Variants in GBF1 observed in about 807,000 individuals in gnomAD.
The protein encoded by GBF1 is Golgi-specific brefeldin A-resistance guanine nucleotide exchange factor 1.
A neutral mutation model predicts 210.5 loss-of-function variants in GBF1; 114 were observed. The observed-to-expected ratio is 0.54, with a 90% CI of 0.47 to 0.63. GBF1 has a LOEUF of 0.63. Ranked by LOEUF, GBF1 falls within the 30% of genes least tolerant of loss-of-function variation. The pLI, the probability that GBF1 is intolerant of heterozygous loss-of-function variation, is 0.00. For synonymous variants in GBF1, 850 were observed against 889.2 expected, an observed-to-expected ratio of 0.96 and a Z score of 0.78; for missense variants, 1,851 against 2,357.7, an observed-to-expected ratio of 0.79 and a Z score of 4.45.
intron 17 of GBF1, among the ~76,000 whole-genome samples, chr10:102,364,866 A>AC (rs993530852): frequency 2.0e-4 from 30 of 152,058 alleles, no homozygotes; most frequent in African/African-American, 7.2e-4. Context: ...GAAAAAAAAA[A>AC]CCTAACCCTT....
intron 3 of GBF1, among the ~76,000 whole-genome samples, chr10:102,308,557 G>A (rs1054702669): frequency 2.0e-5 from 3 of 152,146 alleles, no homozygotes; most frequent in South Asian, 4.2e-4. Context: ...AAAAAATGAT[G>A]AGTTCATGTC....
intron 7 of GBF1, among the ~76,000 whole-genome samples, chr10:102,352,965 T>C (rs2059093637): frequency 6.6e-6 from 1 of 152,130 alleles, no homozygotes; most frequent in Non-Finnish European, 1.5e-5. Context: ...CAAACCAAGA[T>C]GGTTGGTTAC....
At position 102,363,160 on chromosome 10, in the gene GBF1, C is replaced by A; in HGVS notation, c.1877-96C>A. ...CAGGGCTGGCGCCCTGTGCAGGAACCATGCAGGTCTTCTGGGCTTGGGATT... is the reference window on the plus strand; with the variant it reads ...CAGGGCTGGCGCCCTGTGCAGGAACAATGCAGGTCTTCTGGGCTTGGGATT... On this transcript the variant is annotated intron_variant, in intron 15 of 39. Transcript: ENST00000369983. This position sits in a 1 kb window ranked among gnomAD's most constrained non-coding sequence, Gnocchi z 4.2. The A allele has an allele frequency of 8.5e-7, 1 of 1,170,150 alleles. No homozygotes were observed. Among genetic ancestry groups the A allele is most frequent in the Middle Eastern group, 2.1e-4 (1 of 4,868 alleles). 72.5% of individuals were successfully genotyped at this position (1,170,150 alleles called of 1,614,324 possible).
chr10:102,311,235 G>A (rs1414196504), intron 3 of GBF1, among the ~76,000 whole-genome samples: 1 of 152,242 alleles, frequency 6.6e-6, no homozygotes, highest in Non-Finnish European at 1.5e-5. Flanking sequence ...GTATACACAT[G>A]ATTTTAGCAT....
chr10:102,301,580 T>C (rs1488069815), intron 3 of GBF1, among the ~76,000 whole-genome samples: 2 of 150,116 alleles, frequency 1.3e-5, no homozygotes, highest in Non-Finnish European at 3.0e-5. Context: ...GGCTCCTCAC[T>C]TCTCAGACGG....
chr10:102,381,997 T>G (rs2135399887), intron 39 of GBF1, 59 bp from the exon 40 acceptor site: 1,442 of 1,386,432 alleles, frequency 1.0e-3, no homozygotes, highest in Non-Finnish European at 1.3e-3. Flanking sequence ...CTGGGCAATG[T>G]GAGAGTTGTC....
At chr10:102,295,685 A>G (rs894020243) in intron 3 of GBF1, among the ~76,000 whole-genome samples, 5 of 152,148 alleles carry the variant, frequency 3.3e-5, no homozygotes, top group African/African-American at 1.2e-4. Flanking sequence ...CATAATTTAC[A>G]TTTATATAAT....
intron 3 of GBF1, among the ~76,000 whole-genome samples, chr10:102,329,994 T>A (rs1209226471): frequency 6.6e-6 from 1 of 152,090 alleles, no homozygotes; most frequent in East Asian, 1.9e-4. Flanking sequence ...CCAGTAGTCT[T>A]AGCCACTCAG....
chr10:102,320,708 A>G (rs2056310548), intron 3 of GBF1, among the ~76,000 whole-genome samples: 2 of 152,120 alleles, frequency 1.3e-5, no homozygotes, highest in East Asian at 1.9e-4. Flanking sequence ...CTGAGAAGCA[A>G]TCTGTTAATG....
chr10:102,283,717 C>T (rs1168651466), intron 3 of GBF1, among the ~76,000 whole-genome samples: 1 of 152,166 alleles, frequency 6.6e-6, no homozygotes, highest in East Asian at 1.9e-4. Context: ...ACCAGTAAGT[C>T]TTGTCTGTTG....
chr10:102,360,911 G>T, intron 12 of GBF1, 111 bp from the exon 13 acceptor site: 1 of 686,368 alleles, frequency 1.5e-6, no homozygotes, highest in Non-Finnish European at 2.6e-6. Flanking sequence ...GGAGGCAGAG[G>T]TTGCAGTGAG....
intron 3 of GBF1, among the ~76,000 whole-genome samples, chr10:102,339,136 G>A (rs1403792543): frequency 2.0e-5 from 3 of 152,174 alleles, no homozygotes; most frequent in African/African-American, 7.2e-5. Context: ...GCCGAGACGG[G>A]TGGATCACCT....
At chr10:102,354,049 T>C (rs1253306715) in intron 8 of GBF1, among the ~76,000 whole-genome samples, 1 of 152,186 alleles carries the variant, frequency 6.6e-6, no homozygotes, top group Non-Finnish European at 1.5e-5. Context: ...TAGACTGGGC[T>C]CTTGCTTGTG....
At position 102,360,415 on chromosome 10, in the gene GBF1, G is replaced by A; in HGVS notation, c.1392+20G>A. 1 of 1,514,500 alleles carries A rather than the reference G, an allele frequency of 6.6e-7. No individual in the cohort carries two copies. Among genetic ancestry groups the A allele is most frequent in the Non-Finnish European group, 9.2e-7 (1 of 1,090,284 alleles). 93.8% of individuals were successfully genotyped at this position (1,514,500 alleles called of 1,614,324 possible). A position where few individuals can be genotyped will look rare whatever the true frequency, so the allele number is the denominator to read the frequency against. On this transcript the variant is annotated intron_variant, in intron 12 of 39. Transcript: ENST00000369983. ...TTCCAGGTAAGACAAGATTGCTAGA[G>A]GGTCTCAGAGCCTCTTTCAAGGGCC...
intron 4 of GBF1, among the ~76,000 whole-genome samples, chr10:102,344,702 G>A (rs1267563486): frequency 1.3e-5 from 2 of 151,904 alleles, no homozygotes; most frequent in African/African-American, 2.4e-5. Context: ...GGATGGTTTC[G>A]ATCTCCTGAC....
intron 3 of GBF1, among the ~76,000 whole-genome samples, chr10:102,266,961 A>G (rs189939233): frequency 2.0e-5 from 3 of 152,322 alleles, no homozygotes; most frequent in Admixed American, 2.0e-4. Flanking sequence ...AGTCTGAGCT[A>G]GGAGGTTTGA....
At chr10:102,368,919 T>C in intron 23 of GBF1, 87 bp downstream of exon 23, 1 of 937,628 alleles carries the variant, frequency 1.1e-6, no homozygotes, top group Non-Finnish European at 1.7e-6. Context: ...ACAGACCTGG[T>C]TGCCCTCAGC....
intron 3 of GBF1, among the ~76,000 whole-genome samples, chr10:102,314,764 C>T (rs1589604204): frequency 2.6e-5 from 4 of 152,176 alleles, no homozygotes; most frequent in Admixed American, 2.6e-4. Context: ...TTTATCGTTT[C>T]CCTTTCTCAA....
intron 1 of GBF1, among the ~76,000 whole-genome samples, chr10:102,246,447 A>G (rs2070841492): frequency 6.6e-6 from 1 of 152,202 alleles, no homozygotes; most frequent in Non-Finnish European, 1.5e-5. Flanking sequence ...TTTCACAGGC[A>G]TTCTTTTGTA....
Sources: gnomAD v4.1 joint callset for allele counts (sites outside exome capture counted in the v4.1 genomes callset) on GRCh38, gnomAD v4.1.1 for gene constraint, Gnocchi (gnomAD v3.1) non-coding constraint, MANE v1.5 for transcripts, NCBI Gene and HGNC (gene_info 2026-07-23, HGNC 2026-07-21) for gene names.